The following MAPK10 variants were observed in gnomAD, a reference collection of about 807,000 sequenced individuals.
MAPK10 encodes JNK3 alpha protein kinase.
In MAPK10, 25 loss-of-function variants were observed where a neutral mutation model predicts 59.3. The ratio of observed to expected loss-of-function variants is 0.42; its 90% CI spans 0.31 to 0.59. MAPK10 has a LOEUF of 0.59. MAPK10 is among the 20% of genes least tolerant of loss of function. The probability of loss-of-function intolerance (pLI) is 0.15; values close to 1 mark genes in which losing one functional copy is unlikely to be tolerated. For synonymous variants in MAPK10, 190 were observed against 200.5 expected (o/e 0.95, Z 0.44); for missense variants, 351 against 568.9 (o/e 0.62, Z 3.90).
At chr4:86,575,111 T>A (rs1761781960) in intron 1 of MAPK10, among the ~76,000 whole-genome samples, 1 of 152,148 alleles carries the variant, frequency 6.6e-6, no homozygotes, top group African/African-American at 2.4e-5. Context: ...AAAGAGAAAC[T>A]CCCTTCTTTT....
At position 86,423,600 on chromosome 4, in the gene MAPK10, G is replaced by A. The variant is rs148826849; in HGVS notation, c.-122+29430C>T. Among the ~76,000 whole-genome samples, 1,159 of 151,870 alleles carry A rather than the reference G, an allele frequency of 7.6e-3. 5 individuals are homozygous for A. The highest frequency in any genetic ancestry group is 0.017 in the Middle Eastern group (5 of 294). On this transcript the variant is annotated intron_variant, in intron 1 of 13. Transcript: ENST00000361569. ...TTTAATGTGGCCTAGGAAATCTGGAGGCCTTATACTTGCAAAGAAAACTGA... is the reference window on the plus strand; with the variant it reads ...TTTAATGTGGCCTAGGAAATCTGGAAGCCTTATACTTGCAAAGAAAACTGA...
At chr4:86,074,316 C>G (rs1011136313) in intron 9 of MAPK10, among the ~76,000 whole-genome samples, 7 of 148,638 alleles carry the variant, frequency 4.7e-5, no homozygotes, top group African/African-American at 1.8e-4. Context: ...TTCCTGAATA[C>G]AGCACACTGA....
At chr4:86,222,009 A>C (rs569581644) in intron 2 of MAPK10, among the ~76,000 whole-genome samples, 15 of 152,092 alleles carry the variant, frequency 9.9e-5, no homozygotes, top group African/African-American at 3.4e-4. Flanking sequence ...GGTTCTTTCA[A>C]AGTGTGTAGC....
chr4:86,576,629 C>T (rs1376765598), intron 1 of MAPK10, among the ~76,000 whole-genome samples: 2 of 151,948 alleles, frequency 1.3e-5, no homozygotes, highest in South Asian at 2.1e-4. Flanking sequence ...AAAAAATTAG[C>T]CGGGCGCGGT....
intron 1 of MAPK10, among the ~76,000 whole-genome samples, chr4:86,440,009 T>C (rs1749224609): frequency 6.6e-6 from 1 of 152,182 alleles, no homozygotes; most frequent in African/African-American, 2.4e-5. Flanking sequence ...CTCCTCAAAA[T>C]GTAAAGCTGA....
At chr4:86,218,143 A>C (rs576731495) in intron 2 of MAPK10, among the ~76,000 whole-genome samples, 4 of 152,214 alleles carry the variant, frequency 2.6e-5, no homozygotes, top group Non-Finnish European at 5.9e-5. Context: ...TAAAAGGCCA[A>C]AATTAGTGCC....
intron 1 of MAPK10, among the ~76,000 whole-genome samples, chr4:86,458,654 A>C (rs1646818211): frequency 6.6e-6 from 1 of 152,140 alleles, no homozygotes; most frequent in African/African-American, 2.4e-5. Context: ...GCAAACAAAA[A>C]CATAAAGAAG....
intron 9 of MAPK10, chr4:86,095,001 C>CAT (rs2053961808): frequency 1.3e-5 from 2 of 151,488 alleles, no homozygotes; most frequent in African/African-American, 4.8e-5. Context: ...AATCATAAAA[C>CAT]TATAGTGAAA....
At chr4:86,197,610 A>G (rs981623317) in intron 2 of MAPK10, among the ~76,000 whole-genome samples, 3 of 152,154 alleles carry the variant, frequency 2.0e-5, no homozygotes, top group Non-Finnish European at 2.9e-5. Flanking sequence ...TACAGTGGGA[A>G]GTCATACTGG....
chr4:86,150,634 G>T (rs184533151), intron 4 of MAPK10, among the ~76,000 whole-genome samples: 1 of 152,200 alleles, frequency 6.6e-6, no homozygotes, highest in Non-Finnish European at 1.5e-5. Context: ...GGCCGAGACG[G>T]GCAGATCACG....
chr4:86,319,023 C>A (rs1277410793), intron 2 of MAPK10, among the ~76,000 whole-genome samples: 1 of 152,110 alleles, frequency 6.6e-6, no homozygotes, highest in African/African-American at 2.4e-5. Flanking sequence ...TGGAGGGTAT[C>A]TCAGAAGTTA....
chr4:86,331,803 T>C (rs540462937), intron 2 of MAPK10, among the ~76,000 whole-genome samples: 2 of 152,276 alleles, frequency 1.3e-5, no homozygotes, highest in East Asian at 1.9e-4. Flanking sequence ...TCATGAAATA[T>C]GCTTTATAGG....
intron 1 of MAPK10, among the ~76,000 whole-genome samples, chr4:86,482,552 T>G (rs1463968409): frequency 1.3e-5 from 2 of 152,162 alleles, no homozygotes; most frequent in East Asian, 3.9e-4. Context: ...GCTCCTGCCG[T>G]TGTGAAAAAT....
intron 2 of MAPK10, among the ~76,000 whole-genome samples, chr4:86,204,571 T>C (rs2083393078): frequency 6.6e-6 from 1 of 151,918 alleles, no homozygotes; most frequent in Non-Finnish European, 1.5e-5. Context: ...CATACAAATA[T>C]GAGAAATAAT....
At chr4:86,554,157 A>G (rs1434516596) in intron 1 of MAPK10, among the ~76,000 whole-genome samples, 1 of 152,090 alleles carries the variant, frequency 6.6e-6, no homozygotes, top group African/African-American at 2.4e-5. Flanking sequence ...AGATTTTTAT[A>G]TTTTCAAAAT....
intron 1 of MAPK10, among the ~76,000 whole-genome samples, chr4:86,397,999 C>T (rs1743187746): frequency 6.6e-6 from 1 of 151,350 alleles, no homozygotes. Flanking sequence ...TTTTGAACTA[C>T]CTACTTTCCA....
At chr4:86,198,663 T>A (rs1249166169) in intron 2 of MAPK10, among the ~76,000 whole-genome samples, 2 of 151,910 alleles carry the variant, frequency 1.3e-5, no homozygotes, top group Non-Finnish European at 2.9e-5. Flanking sequence ...TGGTTGACTG[T>A]TTCTGTGAAA....
intron 4 of MAPK10, among the ~76,000 whole-genome samples, chr4:86,128,224 T>G (rs4546235): frequency 0.58 from 88,753 of 151,938 alleles, 27,742 homozygotes; most frequent in South Asian, 0.74. Flanking sequence ...AAGTTCTTAA[T>G]GCTTTACATA....
intron 1 of MAPK10, among the ~76,000 whole-genome samples, chr4:86,571,954 A>T (rs1350291209): frequency 1.3e-5 from 2 of 151,842 alleles, no homozygotes; most frequent in African/African-American, 2.4e-5. Flanking sequence ...GCTAGTTAAA[A>T]TTTTTTCTAA....
Sources: gnomAD v4.1 joint callset for allele counts (sites outside exome capture counted in the v4.1 genomes callset) on GRCh38, gnomAD v4.1.1 for gene constraint, MANE v1.5 for transcripts, NCBI Gene and HGNC (gene_info 2026-07-23, HGNC 2026-07-21) for gene names.